DAP3: variants seen among roughly 807,000 people sequenced by gnomAD.
DAP3 encodes small ribosomal subunit protein mS29.
Under a neutral mutation model 51.9 loss-of-function variants are expected in DAP3, and 28 were observed. That is an observed-to-expected ratio of 0.54 (90% confidence interval 0.40 to 0.74). DAP3 has a LOEUF of 0.74. DAP3 is among the 30% of genes least tolerant of loss of function. The pLI is 0.00. For missense variants in DAP3, 458 were observed against 483.5 expected, an observed-to-expected ratio of 0.95 and a Z score of 0.49; for synonymous variants, 170 against 170.3, an observed-to-expected ratio of 1.00 and a Z score of 0.01.
At chr1:155,722,241 C>CAAAAATT (rs1389850197) in intron 4 of DAP3, among the ~76,000 whole-genome samples, 2 of 151,868 alleles carry the variant, frequency 1.3e-5, no homozygotes, top group Non-Finnish European at 2.9e-5. Flanking sequence ...CCTGTCTCTA[C>CAAAAATT]AAAAATTAAA....
intron 1 of DAP3, among the ~76,000 whole-genome samples, chr1:155,698,716 C>T (rs1331909363): frequency 6.6e-6 from 1 of 152,214 alleles, no homozygotes; most frequent in Non-Finnish European, 1.5e-5. Flanking sequence ...AATTGTTCCA[C>T]AGCATAAAAC....
Position 155,704,715 on chromosome 1 carries a change from T to C in DAP3, c.-7-5058T>C, listed in dbSNP as rs556465922. On this transcript the variant is annotated intron_variant, in intron 1 of 12. Transcript: ENST00000368336. ...AAATAGTATGGCTGGGCAGGTGGCT[T>C]ATGCTTGTAATCCCAATACTTTGGG... is the stretch of plus-strand genomic sequence containing the variant. Among the ~76,000 whole-genome samples, 4 of 152,248 alleles carry C rather than the reference T, an allele frequency of 2.6e-5. No individual in the cohort carries two copies. The East Asian group carries it at 7.7e-4, about 29-fold the overall frequency.
intron 11 of DAP3, among the ~76,000 whole-genome samples, chr1:155,733,831 C>T (rs963301286): frequency 2.0e-5 from 3 of 151,786 alleles, no homozygotes; most frequent in Non-Finnish European, 4.4e-5. Context: ...AGCAAGACTC[C>T]GTCTCAAGAA....
At chr1:155,687,956 C>T (rs1652751036), upstream of DAP3, 5 of 1,224,122 alleles carry the variant, frequency 4.1e-6, no homozygotes, top group Non-Finnish European at 5.7e-6. Flanking sequence ...CCATCTTCAC[C>T]ACTGCTCTCC....
In DAP3 at chr1:155,709,834, G is replaced by C. The variant is rs199978100; in HGVS notation, c.45+10G>C. The C allele has an allele frequency of 6.2e-7, 1 of 1,612,884 alleles. No individual in the cohort carries two copies. On this transcript the variant is annotated intron_variant, in intron 2 of 12. Coordinates refer to ENST00000368336, the MANE Select transcript of DAP3 (RefSeq NM_004632.4). ...CTCTAGGATCCATAAGGTGAGTCCT[G>C]ACTGACCTGAACACTCTGTGCATAC...
intron 6 of DAP3, 32 bp downstream of exon 6, chr1:155,726,051 T>G: frequency 6.4e-7 from 1 of 1,557,984 alleles, no homozygotes; most frequent in Non-Finnish European, 8.8e-7. Flanking sequence ...TTCTGTCTGT[T>G]AGGTTTAGTT....
Position 155,727,645 on chromosome 1 carries a change from G to C in DAP3, c.510G>C (p.Gln170His). Residue 170 changes from glutamine (Q) to histidine (H), a missense_variant, in exon 7 of 13, where the codon CAG (glutamine) becomes CAC (histidine). Physicochemically the swap from Gln to His is conservative, Grantham distance 24 (BLOSUM62 0). Coordinates refer to ENST00000368336, the MANE Select transcript of DAP3 (RefSeq NM_004632.4). ...LWVKNCRDLL[Q>H]SSYNKQRFDQ... ...TGAAAAATTGTCGGGATCTTCTGCA[G>C]TCCAGCTACAACAAACAGCGCTTTG... is the stretch of plus-strand genomic sequence containing the variant. The C allele has an allele frequency of 6.2e-7, 1 of 1,613,486 alleles. No individual in the cohort carries two copies. The highest frequency in any genetic ancestry group is 8.5e-7 in the Non-Finnish European group (1 of 1,179,744).
intron 11 of DAP3, among the ~76,000 whole-genome samples, chr1:155,732,366 A>G (rs796600143): frequency 4.6e-5 from 7 of 151,794 alleles, no homozygotes; most frequent in African/African-American, 1.7e-4. Flanking sequence ...AGTAGCTGGG[A>G]TTACAGGCGT....
chr1:155,696,648 T>G (rs1392850536), intron 1 of DAP3, among the ~76,000 whole-genome samples: 2 of 152,240 alleles, frequency 1.3e-5, no homozygotes, highest in Non-Finnish European at 2.9e-5. Context: ...TATTTTTTGT[T>G]GCACATAGTA....
Position 155,708,205 on chromosome 1 carries a change from G to A in DAP3, c.-7-1568G>A, listed in dbSNP as rs189687272. 1.1e-3 allele frequency among the ~76,000 whole-genome samples: 173 copies of A among 151,754 alleles called. 1 individual carries two copies. Among genetic ancestry groups the A allele is most frequent in the African/African-American group, 3.9e-3 (163 of 41,362 alleles). On this transcript the variant is annotated intron_variant, in intron 1 of 12. Transcript: ENST00000368336. ...TGGGATTACCGGTGTGTACCACCAC[G>A]CCCAGCTAATTTTTTGTATTTTTAG...
chr1:155,716,990 A>G lies in DAP3; in HGVS notation c.46-16A>G. 6.2e-7 allele frequency: 1 copy of G among 1,605,220 alleles called. No individual in the cohort carries two copies. Among genetic ancestry groups the G allele is most frequent in the Non-Finnish European group, 8.5e-7 (1 of 1,177,582 alleles). On this transcript the variant is annotated splice_polypyrimidine_tract_variant and intron_variant, in intron 2 of 12. Coordinates refer to ENST00000368336, the MANE Select transcript of DAP3 (RefSeq NM_004632.4). ...AGTTTGATAACCCCGTAACACTGAA[A>G]TGGTTTCTCTTATAGTTGGACCCTG...
intron 11 of DAP3, among the ~76,000 whole-genome samples, chr1:155,734,495 C>G (rs1258055647): frequency 1.3e-5 from 2 of 152,106 alleles, no homozygotes; most frequent in African/African-American, 4.8e-5. Flanking sequence ...TCTTTGACCA[C>G]TTCTTTATTT....
intron 1 of DAP3, among the ~76,000 whole-genome samples, chr1:155,709,366 G>A (rs1194930653): frequency 6.6e-6 from 1 of 151,964 alleles, no homozygotes; most frequent in Non-Finnish European, 1.5e-5. Flanking sequence ...GGCCAGTCTT[G>A]AACTCCTGGG....
intron 1 of DAP3, among the ~76,000 whole-genome samples, chr1:155,707,457 C>A (rs1446067087): frequency 6.6e-6 from 1 of 151,582 alleles, no homozygotes; most frequent in Non-Finnish European, 1.5e-5. Flanking sequence ...TAATTAATTA[C>A]ATAGACATTT....
intron 2 of DAP3, among the ~76,000 whole-genome samples, chr1:155,711,221 A>G (rs185245093): frequency 4.1e-4 from 62 of 152,364 alleles, no homozygotes; most frequent in Non-Finnish European, 7.5e-4. Flanking sequence ...GGCCGGGCAC[A>G]GTAGCTCATG....
chr1:155,732,257 T>C, intron 11 of DAP3: 1 of 296,952 alleles, frequency 3.4e-6, no homozygotes, highest in Non-Finnish European at 6.1e-6. Flanking sequence ...TGAGACGGAG[T>C]CTTGCTCTGT....
chr1:155,726,078 A>T, intron 6 of DAP3, 59 bp downstream of exon 6: 4 of 1,273,266 alleles, frequency 3.1e-6, no homozygotes, highest in Non-Finnish European at 4.4e-6. Flanking sequence ...TTACTGTGGT[A>T]GCCTTGCAGC....
intron 1 of DAP3, among the ~76,000 whole-genome samples, chr1:155,691,147 T>C (rs1046170773): frequency 1.4e-5 from 2 of 141,882 alleles, no homozygotes; most frequent in African/African-American, 6.4e-5. Flanking sequence ...GACCTCATGA[T>C]CCACCTGCCT....
In DAP3 at chr1:155,738,258, T is replaced by C; in HGVS notation, c.*16T>C. The C allele has an allele frequency of 6.2e-7, 1 of 1,614,042 alleles. No individual in the cohort carries two copies. The highest frequency in any genetic ancestry group is 1.3e-5 in the African/African-American group (1 of 75,060). On this transcript the variant is annotated 3_prime_UTR_variant, in exon 13 of 13. Transcript: ENST00000368336. ...CTACCTCTAAGCCAAGATCACAGCA[T>C]GTGAGGAAGACAGTGGACATCTGCT... is the stretch of plus-strand genomic sequence containing the variant.
Sources: allele counts gnomAD v4.1 joint callset (sites outside exome capture counted in the v4.1 genomes callset), GRCh38; gene constraint gnomAD v4.1.1; transcripts MANE v1.5; gene names NCBI Gene and HGNC (gene_info 2026-07-23, HGNC 2026-07-21).